The following RYR2 variants were observed in gnomAD, a reference collection of about 807,000 sequenced individuals.
RYR2 encodes cardiac muscle ryanodine receptor-calcium release channel.
A neutral mutation model predicts 601.1 loss-of-function variants in RYR2; 227 were observed. The observed-to-expected ratio is 0.38, with a 90% confidence interval of 0.34 to 0.42. RYR2 has a LOEUF of 0.42. Among genes scored for constraint, RYR2 ranks in the 10% least tolerant of loss-of-function variants. The pLI is 1.00. For missense variants in RYR2, 4,646 were observed against 6,156.5 expected, an observed-to-expected ratio of 0.75 and a Z score of 8.21; for synonymous variants, 2,223 against 2,175.1, an observed-to-expected ratio of 1.02 and a Z score of -0.61.
At chr1:237,505,336 G>C (rs1665106670) in intron 22 of RYR2, among the ~76,000 whole-genome samples, 2 of 152,150 alleles carry the variant, frequency 1.3e-5, no homozygotes, top group East Asian at 3.9e-4. Context: ...CAGTGAGGTT[G>C]TTTAGATATT....
intron 29 of RYR2, among the ~76,000 whole-genome samples, chr1:237,576,182 G>C (rs1673199710): frequency 1.3e-5 from 2 of 152,114 alleles, no homozygotes; most frequent in South Asian, 4.1e-4. Context: ...TCTTCCAAAA[G>C]TGATCTATAG....
Position 237,595,512 on chromosome 1 carries a change from A to G in RYR2, c.4451A>G (p.Asn1484Ser), listed in dbSNP as rs1430702686. 1.2e-6 allele frequency: 2 copies of G among 1,606,750 alleles called. No homozygotes were observed. Among genetic ancestry groups the G allele is most frequent in the African/African-American group, 2.7e-5 (2 of 74,644 alleles). The change falls in exon 34 of 105, where the codon AAC becomes AGC. Residue 1484 changes from asparagine (N) to serine (S), a missense_variant. Transcript: ENST00000366574. ...GKVHESIKRS[N>S]CYMVCAGESM... is the part of the protein sequence containing the mutation. ...TTGAAATTCAGCATCAAACGCAGCA[A>G]CTGCTATATGGTATGTGCGGGTGAG...
intron 1 of RYR2, among the ~76,000 whole-genome samples, chr1:237,168,995 G>A (rs1450120173): frequency 6.6e-6 from 1 of 152,050 alleles, no homozygotes; most frequent in East Asian, 1.9e-4. Context: ...TTTCATTTGG[G>A]ATATTTATTA....
chr1:237,259,568 T>C (rs577085052), intron 1 of RYR2, among the ~76,000 whole-genome samples: 1 of 150,026 alleles, frequency 6.7e-6, no homozygotes, highest in East Asian at 2.0e-4. Flanking sequence ...CGTCACCTTG[T>C]ATAAAACCAC....
intron 1 of RYR2, among the ~76,000 whole-genome samples, chr1:237,219,935 C>A (rs1040242315): frequency 6.6e-6 from 1 of 152,174 alleles, no homozygotes; most frequent in East Asian, 1.9e-4. Flanking sequence ...ATGTGGCAGG[C>A]GCTGTGCCAG....
intron 2 of RYR2, among the ~76,000 whole-genome samples, chr1:237,328,586 A>G (rs1460567140): frequency 6.6e-6 from 1 of 151,914 alleles, no homozygotes; most frequent in Non-Finnish European, 1.5e-5. Context: ...CAGAAGCCAG[A>G]GAAGGAAATT....
intron 35 of RYR2, among the ~76,000 whole-genome samples, chr1:237,603,892 C>A (rs182033998): frequency 3.3e-5 from 5 of 152,150 alleles, no homozygotes; most frequent in Non-Finnish European, 5.9e-5. Flanking sequence ...TATATATGCA[C>A]CCAATACAGG....
chr1:237,806,928 C>T (rs762250499), intron 99 of RYR2, among the ~76,000 whole-genome samples: 10 of 152,090 alleles, frequency 6.6e-5, no homozygotes, highest in Non-Finnish European at 1.2e-4. Context: ...TGCACTGATC[C>T]GTTCACTTGC....
intron 25 of RYR2, among the ~76,000 whole-genome samples, chr1:237,546,782 G>A (rs907698520): frequency 1.6e-4 from 24 of 151,806 alleles, no homozygotes; most frequent in African/African-American, 4.3e-4. Flanking sequence ...ATTTATTGCT[G>A]TAATATATTG....
intron 65 of RYR2, among the ~76,000 whole-genome samples, 154 bp from the exon 66 acceptor site, chr1:237,701,824 A>G (rs1182271346): frequency 6.6e-6 from 1 of 152,180 alleles, no homozygotes; most frequent in Non-Finnish European, 1.5e-5. Flanking sequence ...AACAACCCCC[A>G]GTTCCATCCA....
At chr1:237,700,533 A>G in intron 65 of RYR2, 66 bp downstream of exon 65, 1 of 779,042 alleles carries the variant, frequency 1.3e-6, no homozygotes, top group Non-Finnish European at 2.1e-6. Context: ...ACAATCAAAA[A>G]CAGTAATAGC....
intron 1 of RYR2, among the ~76,000 whole-genome samples, chr1:237,070,633 G>A (rs1206765343): frequency 1.3e-5 from 2 of 152,112 alleles, no homozygotes; most frequent in African/African-American, 4.8e-5. Context: ...TACTGTCCCA[G>A]ATCCCACACC....
chr1:237,709,646 G>C, intron 70 of RYR2, 79 bp downstream of exon 70: 4 of 788,414 alleles, frequency 5.1e-6, no homozygotes, highest in Non-Finnish European at 8.3e-6. Flanking sequence ...TCATGTAACA[G>C]TTGAGGAGAG....
chr1:237,360,985 C>A (rs1198967985), intron 4 of RYR2, among the ~76,000 whole-genome samples: 1 of 152,174 alleles, frequency 6.6e-6, no homozygotes, highest in Non-Finnish European at 1.5e-5. Context: ...GGACTACAGG[C>A]ATGTGCCACC....
rs559701711 is a variant in RYR2, at chr1:237,151,117, G to C, written c.48+108548G>C. ...GAATCATGGTGCTGTTAGGAAAATA[G>C]TTTTAGAGGTTATTTAATTTTGCAT... is the stretch of plus-strand genomic sequence containing the variant. On this transcript the variant is annotated intron_variant, in intron 1 of 104. Coordinates refer to ENST00000366574, the MANE Select transcript of RYR2 (RefSeq NM_001035.3). Among the ~76,000 whole-genome samples the C allele has an allele frequency of 2.0e-5, 3 of 152,212 alleles. No homozygotes were observed. In the South Asian group the frequency reaches 6.2e-4, roughly 32 times the overall value.
intron 14 of RYR2, among the ~76,000 whole-genome samples, chr1:237,454,152 C>T (rs1658517969): frequency 6.6e-6 from 1 of 152,080 alleles, no homozygotes; most frequent in Non-Finnish European, 1.5e-5. Flanking sequence ...TTCCTGTAGC[C>T]TATGAGGTTA....
chr1:237,233,742 C>T (rs1382351335), intron 1 of RYR2, among the ~76,000 whole-genome samples: 7 of 152,132 alleles, frequency 4.6e-5, no homozygotes, highest in Non-Finnish European at 8.8e-5. Context: ...GCAATCTCTT[C>T]CTCCTGGGTT....
rs929374598 is a variant in RYR2, at chr1:237,570,971, A to T, written c.3598+1652A>T. 3.9e-5 allele frequency among the ~76,000 whole-genome samples: 6 copies of T among 152,216 alleles called. No individual in the cohort carries two copies. The East Asian group carries it at 5.8e-4, about 15-fold the overall frequency. On this transcript the variant is annotated intron_variant, in intron 29 of 104. Coordinates refer to ENST00000366574, the MANE Select transcript of RYR2 (RefSeq NM_001035.3). ...GCAAGACTCTGTTTCTACAAAAATT[A>T]AAAAAATTAGCCAGTTGTGGTGGCA...
At chr1:237,822,919 C>T (rs114459202) in intron 101 of RYR2, among the ~76,000 whole-genome samples, 4,021 of 152,146 alleles carry the variant, frequency 0.026, 76 homozygotes, top group Non-Finnish European at 0.04. Context: ...TTTAAACCAA[C>T]GAAGATCAAA....
Sources: allele counts gnomAD v4.1 joint callset (sites outside exome capture counted in the v4.1 genomes callset), GRCh38; gene constraint gnomAD v4.1.1; transcripts MANE v1.5; gene names NCBI Gene and HGNC (gene_info 2026-07-23, HGNC 2026-07-21).